Variants in SCHIP1 observed in about 807,000 individuals in gnomAD.
The protein encoded by SCHIP1 is schwannomin-interacting protein 1.
Under a neutral mutation model 29.7 loss-of-function variants are expected in SCHIP1, and 8 were observed. The ratio of observed to expected loss-of-function variants is 0.27; its 90% confidence interval spans 0.16 to 0.49. SCHIP1 has a LOEUF of 0.49. Among genes scored for constraint, SCHIP1 ranks in the 20% least tolerant of loss-of-function variants. SCHIP1 has a pLI of 0.99. For missense variants in SCHIP1, 193 were observed against 294.6 expected (o/e 0.66, Z 2.52); for synonymous variants, 76 against 94.9 (o/e 0.80, Z 1.16).
chr3:159,607,521 T>C, the SCHIP1 span, among the ~76,000 whole-genome samples: 1 of 152,174 alleles, frequency 6.6e-6, no homozygotes, highest in Non-Finnish European at 1.5e-5. Context: ...GGGCCCTTTC[T>C]TTCTCTAAGA....
the SCHIP1 span, among the ~76,000 whole-genome samples, chr3:159,683,679 G>C: frequency 1.2e-4 from 19 of 152,312 alleles, no homozygotes; most frequent in East Asian, 1.9e-4. Context: ...GTGCTCAGCA[G>C]AGCTTTGGAG....
the SCHIP1 span, among the ~76,000 whole-genome samples, chr3:159,575,306 AT>A: frequency 6.6e-6 from 1 of 152,136 alleles, no homozygotes; most frequent in African/African-American, 2.4e-5. Flanking sequence ...CTATCATAAT[AT>A]TTTGTGCTAG....
At chr3:159,447,772 G>C in the SCHIP1 span, among the ~76,000 whole-genome samples, 19 of 152,230 alleles carry the variant, frequency 1.2e-4, no homozygotes, top group African/African-American at 4.3e-4. Flanking sequence ...TGAGTGAAGG[G>C]GGTAGTATTT....
the SCHIP1 span, among the ~76,000 whole-genome samples, chr3:159,571,454 C>T: frequency 6.6e-6 from 1 of 151,398 alleles, no homozygotes; most frequent in Admixed American, 6.6e-5. Context: ...ATATGTTGAA[C>T]CAGCCTTGCA....
At chr3:159,890,094 CAAA>C (rs796442726) in intron 5 of SCHIP1, among the ~76,000 whole-genome samples, 1 of 109,456 alleles carries the variant, frequency 9.1e-6, no homozygotes, top group Admixed American at 9.6e-5. Context: ...GACACCATCT[CAAA>C]AAAAAAAAAA....
the SCHIP1 span, among the ~76,000 whole-genome samples, chr3:159,569,342 A>G: frequency 6.6e-6 from 1 of 152,058 alleles, no homozygotes; most frequent in Non-Finnish European, 1.5e-5. Context: ...AACAGGCCCC[A>G]GTGTGTGATG....
chr3:159,585,864 T>A, the SCHIP1 span, among the ~76,000 whole-genome samples: 3 of 152,148 alleles, frequency 2.0e-5, no homozygotes, highest in South Asian at 6.2e-4. Context: ...TTAATAGTTA[T>A]ATCTTCCCTG....
chr3:159,737,800 C>T, the SCHIP1 span, among the ~76,000 whole-genome samples: 1 of 152,028 alleles, frequency 6.6e-6, no homozygotes, highest in Admixed American at 6.5e-5. Context: ...CTGCCTGGAG[C>T]ACTGGATTGA....
the SCHIP1 span, among the ~76,000 whole-genome samples, chr3:159,577,870 G>A: frequency 6.6e-6 from 1 of 152,134 alleles, no homozygotes; most frequent in Non-Finnish European, 1.5e-5. Context: ...CAATCAACCA[G>A]AAAATACTGA....
chr3:159,281,994 A>G, the SCHIP1 span, among the ~76,000 whole-genome samples: 2 of 152,038 alleles, frequency 1.3e-5, no homozygotes, highest in African/African-American at 4.8e-5. Context: ...TAAAAACTTA[A>G]TATTTTAATT....
the SCHIP1 span, among the ~76,000 whole-genome samples, chr3:159,354,335 C>T: frequency 0.46 from 70,598 of 151,912 alleles, 16,679 homozygotes; most frequent in African/African-American, 0.51. Flanking sequence ...TTACTGCATC[C>T]TAATTAGACA....
At chr3:159,545,272 G>C in the SCHIP1 span, among the ~76,000 whole-genome samples, 1 of 152,034 alleles carries the variant, frequency 6.6e-6, no homozygotes, top group Non-Finnish European at 1.5e-5. Context: ...GTTGCCAGAG[G>C]AGATTAACAT....
the SCHIP1 span, among the ~76,000 whole-genome samples, chr3:159,299,867 A>T: frequency 1.3e-5 from 2 of 152,138 alleles, no homozygotes; most frequent in Admixed American, 1.3e-4. Flanking sequence ...TCAAACATAC[A>T]CTTAAGCATT....
At chr3:159,630,216 A>G in the SCHIP1 span, among the ~76,000 whole-genome samples, 1 of 152,216 alleles carries the variant, frequency 6.6e-6, no homozygotes, top group African/African-American at 2.4e-5. Flanking sequence ...GCTCAATCTG[A>G]TGAAAGAAAA....
At chr3:159,675,194 G>T in the SCHIP1 span, among the ~76,000 whole-genome samples, 1 of 152,298 alleles carries the variant, frequency 6.6e-6, no homozygotes, top group Non-Finnish European at 1.5e-5. Context: ...TGAATCTCCT[G>T]TACAAGTCTG....
chr3:159,371,894 G>GAATT, the SCHIP1 span, among the ~76,000 whole-genome samples: 1 of 152,108 alleles, frequency 6.6e-6, no homozygotes, highest in Non-Finnish European at 1.5e-5. Flanking sequence ...GTGATTTGTT[G>GAATT]AATTAATGGG....
chr3:159,678,908 A>G, the SCHIP1 span, among the ~76,000 whole-genome samples: 2 of 152,348 alleles, frequency 1.3e-5, no homozygotes, highest in Admixed American at 6.5e-5. Flanking sequence ...CGAGAACAGT[A>G]TAGAGAATAT....
At chr3:159,572,540 T>C in the SCHIP1 span, among the ~76,000 whole-genome samples, 1 of 152,236 alleles carries the variant, frequency 6.6e-6, no homozygotes, top group African/African-American at 2.4e-5. Flanking sequence ...CTTCCTATTA[T>C]GTGGTCAATT....
At chr3:159,275,024 C>T in the SCHIP1 span, 2 of 978,754 alleles carry the variant, frequency 2.0e-6, no homozygotes, top group Non-Finnish European at 2.4e-6. Context: ...AGTAATTTGG[C>T]ATTTGATTTT....
Sources: allele counts gnomAD v4.1 joint callset (sites outside exome capture counted in the v4.1 genomes callset), GRCh38; gene constraint gnomAD v4.1.1; transcripts MANE v1.5; gene names NCBI Gene and HGNC (gene_info 2026-07-23, HGNC 2026-07-21).